The following SH3RF3 variants were observed in gnomAD, a reference collection of about 807,000 sequenced individuals.
SH3RF3 encodes the protein SH3 domain containing ring finger 3.
Under a neutral mutation model 66.3 loss-of-function variants are expected in SH3RF3, and 29 were observed. The observed-to-expected ratio is 0.44, with a 90% CI of 0.33 to 0.60. The LOEUF (loss-of-function observed/expected upper bound fraction) is 0.60. SH3RF3 is among the 20% of genes least tolerant of loss of function. SH3RF3 has a pLI of 0.04. For missense variants in SH3RF3, 1,194 were observed against 1,190.9 expected (o/e 1.00, Z -0.04); for synonymous variants, 583 against 532.0 (o/e 1.10, Z -1.32).
chr2:109,487,950 G>T lies in SH3RF3; in HGVS notation c.2149-2655G>T, dbSNP rs143397215. On this transcript the variant is annotated intron_variant, in intron 8 of 9. Transcript: ENST00000309415. ...TCCAAAGCTTTGATTCTAGAGGGGA[G>T]CCTAGACGGGGATGAACAGCCACCA... is the stretch of plus-strand genomic sequence containing the variant. 7.7e-3 allele frequency among the ~76,000 whole-genome samples: 1,175 copies of T among 152,342 alleles called. 26 individuals are homozygous for T. Among genetic ancestry groups the T allele is most frequent in the African/African-American group, 0.027 (1,127 of 41,580 alleles).
At chr2:109,345,071 C>T (rs1165906618) in intron 1 of SH3RF3, among the ~76,000 whole-genome samples, 1 of 152,174 alleles carries the variant, frequency 6.6e-6, no homozygotes, top group Non-Finnish European at 1.5e-5. Flanking sequence ...AAGACAGAAT[C>T]CCCGTGACTC....
chr2:109,383,237 G>A (rs560332642), intron 3 of SH3RF3, among the ~76,000 whole-genome samples: 5 of 152,292 alleles, frequency 3.3e-5, no homozygotes, highest in African/African-American at 1.2e-4. Flanking sequence ...TGAGGTCCAG[G>A]GCTATGTTTG....
At chr2:109,147,270 G>C (rs1677121642) in intron 1 of SH3RF3, among the ~76,000 whole-genome samples, 1 of 152,100 alleles carries the variant, frequency 6.6e-6, no homozygotes, top group Non-Finnish European at 1.5e-5. Context: ...GTAAATATGG[G>C]GGTGTGGGGA....
chr2:109,345,079 C>A (rs1479137242), intron 1 of SH3RF3, among the ~76,000 whole-genome samples: 1 of 152,172 alleles, frequency 6.6e-6, no homozygotes, highest in Non-Finnish European at 1.5e-5. Flanking sequence ...ATCCCCGTGA[C>A]TCAGGAGTGT....
intron 5 of SH3RF3, among the ~76,000 whole-genome samples, chr2:109,426,705 T>C (rs1260872809): frequency 1.3e-5 from 2 of 152,188 alleles, no homozygotes; most frequent in Non-Finnish European, 2.9e-5. Flanking sequence ...TGCCTCCAAT[T>C]TTGAAAGAAA....
At chr2:109,274,710 C>T (rs7559721) in intron 1 of SH3RF3, among the ~76,000 whole-genome samples, 1 of 151,846 alleles carries the variant, frequency 6.6e-6, no homozygotes, top group Non-Finnish European at 1.5e-5. Flanking sequence ...AGATAGAGGT[C>T]GTGGCTGCAT....
chr2:109,302,628 A>G (rs1681497748), intron 1 of SH3RF3, among the ~76,000 whole-genome samples: 1 of 152,234 alleles, frequency 6.6e-6, no homozygotes, highest in Admixed American at 6.5e-5. Flanking sequence ...GGGATTAGCC[A>G]GCCCAGGCCG....
intron 1 of SH3RF3, among the ~76,000 whole-genome samples, chr2:109,131,989 TA>T (rs1676708606): frequency 1.3e-5 from 2 of 152,340 alleles, no homozygotes; most frequent in South Asian, 4.1e-4. Flanking sequence ...GGAAGGATTG[TA>T]ATAGCATATC....
intron 9 of SH3RF3, among the ~76,000 whole-genome samples, chr2:109,491,855 G>A (rs1159175845): frequency 2.0e-5 from 3 of 152,152 alleles, no homozygotes; most frequent in South Asian, 2.1e-4. Flanking sequence ...TTGGCCGTTC[G>A]GGTGCCTGCA....
At chr2:109,464,013 AT>A (rs1462344340) in intron 8 of SH3RF3, among the ~76,000 whole-genome samples, 1 of 152,172 alleles carries the variant, frequency 6.6e-6, no homozygotes, top group Non-Finnish European at 1.5e-5. Flanking sequence ...AGGGTCCCCA[AT>A]TCACAGAACA....
At chr2:109,292,196 A>G (rs1681199935) in intron 1 of SH3RF3, among the ~76,000 whole-genome samples, 1 of 152,246 alleles carries the variant, frequency 6.6e-6, no homozygotes, top group Non-Finnish European at 1.5e-5. Flanking sequence ...CTTTCTAATT[A>G]AAAGCATCAT....
intron 3 of SH3RF3, among the ~76,000 whole-genome samples, chr2:109,393,850 T>G (rs1034525479): frequency 2.0e-5 from 3 of 151,798 alleles, no homozygotes; most frequent in Non-Finnish European, 2.9e-5. Context: ...CTGTCCTCCC[T>G]CATGACTGGC....
intron 1 of SH3RF3, among the ~76,000 whole-genome samples, chr2:109,206,082 G>A (rs761754273): frequency 9.2e-5 from 14 of 152,134 alleles, no homozygotes; most frequent in Non-Finnish European, 2.9e-5. Flanking sequence ...GGCATTGTAT[G>A]ACCTGCACGT....
intron 8 of SH3RF3, among the ~76,000 whole-genome samples, chr2:109,479,527 G>A (rs140079018): frequency 9.2e-5 from 14 of 152,150 alleles, no homozygotes; most frequent in Non-Finnish European, 1.9e-4. Context: ...TCTCCCTGGG[G>A]TGTCGGGATG....
rs1453831237 is a variant in SH3RF3, at chr2:109,146,107, T to C, written c.573+15994T>C. Among the ~76,000 whole-genome samples, 3 of 152,162 alleles carry C rather than the reference T, an allele frequency of 2.0e-5. No individual in the cohort carries two copies. The East Asian group carries it at 5.8e-4, about 29-fold the overall frequency. On this transcript the variant is annotated intron_variant, in intron 1 of 9. Transcript: ENST00000309415. The stretch of plus-strand genomic sequence containing the variant: ...GTACCAGCTGAACAGTTAGATTTAG[T>C]GAAGGTGAGGTGTCACCACTGTTAC...
intron 1 of SH3RF3, among the ~76,000 whole-genome samples, chr2:109,175,864 C>T: frequency 6.6e-6 from 1 of 152,196 alleles, no homozygotes. Context: ...TTTAGTTTTG[C>T]ATCTTAATTA....
intron 1 of SH3RF3, among the ~76,000 whole-genome samples, chr2:109,321,915 C>A (rs1427396805): frequency 1.3e-5 from 2 of 152,214 alleles, no homozygotes; most frequent in African/African-American, 4.8e-5. Context: ...CAGGACTTCT[C>A]TGAAGGGGAG....
chr2:109,241,402 G>A (rs145505142), intron 1 of SH3RF3, among the ~76,000 whole-genome samples: 2 of 152,198 alleles, frequency 1.3e-5, no homozygotes, highest in Non-Finnish European at 2.9e-5. Context: ...GGCCATATGG[G>A]TATAGATGCA....
chr2:109,237,865 G>C (rs1209396469), intron 1 of SH3RF3, among the ~76,000 whole-genome samples: 1 of 152,174 alleles, frequency 6.6e-6, no homozygotes, highest in African/African-American at 2.4e-5. Flanking sequence ...GAACAACTTG[G>C]ATATTATTAA....
Sources: gnomAD v4.1 joint callset for allele counts (sites outside exome capture counted in the v4.1 genomes callset) on GRCh38, gnomAD v4.1.1 for gene constraint, MANE v1.5 for transcripts, NCBI Gene and HGNC (gene_info 2026-07-23, HGNC 2026-07-21) for gene names.